RABGAP1L: variants seen among roughly 807,000 people sequenced by gnomAD.
The protein encoded by RABGAP1L is RAB GTPase activating protein 1 like, also known as rab GTPase-activating protein 1-like.
RABGAP1L carries 63 observed loss-of-function variants against 137.7 expected under a neutral mutation model. The observed-to-expected ratio is 0.46, with a 90% CI of 0.37 to 0.56. The LOEUF (loss-of-function observed/expected upper bound fraction) is 0.56. RABGAP1L is among the 20% of genes least tolerant of loss of function. RABGAP1L has a pLI of 0.00. For missense variants in RABGAP1L, 1,095 were observed against 1,244.0 expected (o/e 0.88, Z 1.80); for synonymous variants, 431 against 433.7 (o/e 0.99, Z 0.08).
chr1:174,184,748 G>A (rs1013710595), intron 1 of RABGAP1L, among the ~76,000 whole-genome samples: 1 of 152,150 alleles, frequency 6.6e-6, no homozygotes, highest in Non-Finnish European at 1.5e-5. Context: ...GTCTGTGGTA[G>A]CTGTTCTTGC....
intron 13 of RABGAP1L, among the ~76,000 whole-genome samples, chr1:174,508,396 T>C (rs534091659): frequency 2.0e-4 from 30 of 152,342 alleles, no homozygotes; most frequent in Non-Finnish European, 4.0e-4. Context: ...AATACAGTTA[T>C]GCAATTTCCT....
intron 18 of RABGAP1L, among the ~76,000 whole-genome samples, chr1:174,790,861 C>T (rs1469351095): frequency 6.6e-6 from 1 of 151,634 alleles, no homozygotes; most frequent in Non-Finnish European, 1.5e-5. Context: ...TCTATTACCA[C>T]CTTTGTTTCA....
intron 13 of RABGAP1L, chr1:174,548,090 C>T: frequency 6.5e-7 from 1 of 1,544,782 alleles, no homozygotes; most frequent in Non-Finnish European, 8.7e-7. Context: ...AGCATGAGTG[C>T]TTTCTTTGCA....
At chr1:174,820,377 C>T (rs1481717791) in intron 19 of RABGAP1L, among the ~76,000 whole-genome samples, 1 of 152,016 alleles carries the variant, frequency 6.6e-6, no homozygotes, top group African/African-American at 2.4e-5. Flanking sequence ...CCCACCATGG[C>T]CAAATTTCAA....
chr1:174,712,995 T>C (rs1454933035), intron 17 of RABGAP1L, among the ~76,000 whole-genome samples: 1 of 152,154 alleles, frequency 6.6e-6, no homozygotes. Context: ...AATGCAATAT[T>C]TGGGGACGAA....
chr1:174,983,949 A>T (rs1671353268), intron 24 of RABGAP1L, among the ~76,000 whole-genome samples: 1 of 151,474 alleles, frequency 6.6e-6, no homozygotes, highest in African/African-American at 2.4e-5. Context: ...GTTAGCACTT[A>T]CCACTCTTTG....
chr1:174,464,488 T>G (rs756582655), intron 13 of RABGAP1L, among the ~76,000 whole-genome samples: 1 of 152,210 alleles, frequency 6.6e-6, no homozygotes, highest in Non-Finnish European at 1.5e-5. Flanking sequence ...TCATAAAAAT[T>G]GAAACCTGAA....
At chr1:174,237,891 A>G (rs1411829621) in intron 4 of RABGAP1L, among the ~76,000 whole-genome samples, 1 of 150,390 alleles carries the variant, frequency 6.6e-6, no homozygotes, top group Non-Finnish European at 1.5e-5. Context: ...CATTCTCCCC[A>G]TCACTTTCAG....
intron 13 of RABGAP1L, among the ~76,000 whole-genome samples, chr1:174,472,584 C>G (rs186872596): frequency 1.3e-5 from 2 of 152,134 alleles, no homozygotes; most frequent in Non-Finnish European, 2.9e-5. Context: ...CACATACTTC[C>G]GAATCTTCTC....
intron 15 of RABGAP1L, among the ~76,000 whole-genome samples, chr1:174,698,386 TC>T (rs1326181401): frequency 9.9e-5 from 15 of 152,176 alleles, no homozygotes; most frequent in Admixed American, 9.8e-4. Flanking sequence ...ACTGGCCATT[TC>T]CCTGAAAACT....
chr1:174,581,217 A>G (rs1464918235), intron 13 of RABGAP1L, among the ~76,000 whole-genome samples: 4 of 152,228 alleles, frequency 2.6e-5, no homozygotes, highest in Admixed American at 2.6e-4. Flanking sequence ...AAACTTCTAC[A>G]CAAATCTATT....
intron 11 of RABGAP1L, among the ~76,000 whole-genome samples, chr1:174,357,924 A>G (rs1010483245): frequency 2.0e-5 from 3 of 152,212 alleles, no homozygotes; most frequent in Non-Finnish European, 4.4e-5. Context: ...TTTCACATAT[A>G]GTAACTTGCT....
At chr1:174,422,781 C>T (rs71643198) in intron 13 of RABGAP1L, among the ~76,000 whole-genome samples, 1 of 151,848 alleles carries the variant, frequency 6.6e-6, no homozygotes, top group African/African-American at 2.4e-5. Context: ...AACTCTGTCT[C>T]TACTAAAAAT....
At position 174,252,580 on chromosome 1, in the gene RABGAP1L, G is replaced by GCTA; in HGVS notation, c.977_979dup (p.Ala326_Ile327insThr). The GCTA allele has an allele frequency of 1.2e-6, 2 of 1,609,562 alleles. No homozygotes were observed. Among genetic ancestry groups the GCTA allele is most frequent in the Non-Finnish European group, 1.7e-6 (2 of 1,178,640 alleles). ...GCAGCAACTTTCTAACAAAGAATTA[G>GCTA]CTATTGAAAGGTAAGCAGCTTGCTC... is the stretch of plus-strand genomic sequence containing the variant. On this transcript the variant is annotated inframe_insertion, in exon 7 of 26. Transcript: ENST00000681986.
chr1:174,383,476 G>C (rs1459957454), intron 12 of RABGAP1L, among the ~76,000 whole-genome samples: 2 of 152,168 alleles, frequency 1.3e-5, no homozygotes, highest in Non-Finnish European at 2.9e-5. Flanking sequence ...AGCCAGGTGT[G>C]GGATATAATC....
At chr1:174,984,825 C>G (rs990096994) in intron 24 of RABGAP1L, among the ~76,000 whole-genome samples, 15 of 152,028 alleles carry the variant, frequency 9.9e-5, no homozygotes, top group African/African-American at 3.6e-4. Flanking sequence ...ATCATGAGAA[C>G]TATAGACCAA....
chr1:174,572,391 T>C (rs762632720), intron 13 of RABGAP1L, among the ~76,000 whole-genome samples: 10 of 152,126 alleles, frequency 6.6e-5, no homozygotes, highest in Non-Finnish European at 1.2e-4. Context: ...TGTTTTTGTT[T>C]GTTTGTTTGT....
intron 13 of RABGAP1L, among the ~76,000 whole-genome samples, chr1:174,481,655 AAGG>A (rs779696289): frequency 3.9e-5 from 6 of 152,200 alleles, no homozygotes; most frequent in African/African-American, 9.6e-5. Flanking sequence ...AAAATAAAAA[AAGG>A]AGAGAAATCA....
intron 10 of RABGAP1L, among the ~76,000 whole-genome samples, chr1:174,303,633 A>G (rs902908168): frequency 5.3e-5 from 8 of 152,164 alleles, no homozygotes; most frequent in African/African-American, 1.9e-4. Context: ...GTTATCTAAA[A>G]TATGTGAATA....
Sources: gnomAD v4.1 joint callset for allele counts (sites outside exome capture counted in the v4.1 genomes callset) on GRCh38, gnomAD v4.1.1 for gene constraint, MANE v1.5 for transcripts, NCBI Gene and HGNC (gene_info 2026-07-23, HGNC 2026-07-21) for gene names.